The following FAAH2 variants were observed in gnomAD, a reference collection of about 807,000 sequenced individuals.
FAAH2 encodes fatty-acid amide hydrolase 2.
FAAH2 carries 60 observed loss-of-function variants against 36.9 expected under a neutral mutation model. That is an observed-to-expected ratio of 1.63 (90% confidence interval 1.32 to 2.02). FAAH2 has a LOEUF of 2.02. FAAH2 is among the 30% of genes most tolerant of loss of function. FAAH2 has a pLI of 0.00. For missense variants in FAAH2, 689 were observed against 397.5 expected, an observed-to-expected ratio of 1.73 and a Z score of -6.23; for synonymous variants, 214 against 143.8, an observed-to-expected ratio of 1.49 and a Z score of -3.49.
intron 4 of FAAH2, among the ~76,000 whole-genome samples, chrX:57,337,772 T>A (rs2147038640): frequency 8.9e-6 from 1 of 112,081 alleles, no homozygotes; most frequent in Non-Finnish European, 1.9e-5. Context: ...ATAAGATCTG[T>A]ATTTGACAAA....
chrX:57,252,259 C>T, the FAAH2 span, among the ~76,000 whole-genome samples: 544 of 112,869 alleles, frequency 4.8e-3, 3 homozygotes, highest in African/African-American at 0.016. Context: ...GCAGAGCCCA[C>T]CGCAGCTCAG....
intron 2 of FAAH2, among the ~76,000 whole-genome samples, chrX:57,305,684 A>C (rs753964383): frequency 1.7e-3 from 185 of 111,415 alleles, no homozygotes; most frequent in Non-Finnish European, 2.7e-3. Flanking sequence ...AATCTGGCAT[A>C]CCTTAGTTTT....
chrX:57,336,778 C>T (rs1377870033), intron 4 of FAAH2, among the ~76,000 whole-genome samples: 1 of 110,710 alleles, frequency 9.0e-6, no homozygotes, highest in Admixed American at 9.6e-5. Context: ...GCACTAAATC[C>T]CCACATCAAA....
chrX:57,359,589 G>A (rs1435441274), intron 5 of FAAH2, among the ~76,000 whole-genome samples: 1 of 111,468 alleles, frequency 9.0e-6, no homozygotes, highest in Non-Finnish European at 1.9e-5. Context: ...CTTTATTCTT[G>A]TACATATCTG....
the FAAH2 span, chrX:57,135,914 G>A: frequency 3.3e-6 from 4 of 1,210,057 alleles, no homozygotes; most frequent in African/African-American, 1.7e-5. Context: ...CTTGGTGAAT[G>A]ACCATGCCGA....
chrX:57,309,027 C>G (rs1333664270), intron 2 of FAAH2, among the ~76,000 whole-genome samples: 1 of 111,693 alleles, frequency 9.0e-6, no homozygotes, highest in Admixed American at 9.6e-5. Context: ...TTGGTATTTC[C>G]AGTGAGCCCA....
At chrX:57,252,662 C>T in the FAAH2 span, among the ~76,000 whole-genome samples, 1 of 112,244 alleles carries the variant, frequency 8.9e-6, no homozygotes, top group Non-Finnish European at 1.9e-5. Context: ...CCCAACAGAC[C>T]TGCAGCTGAG....
At chrX:57,407,326 G>A (rs1303735325) in intron 7 of FAAH2, among the ~76,000 whole-genome samples, 2 of 111,943 alleles carry the variant, frequency 1.8e-5, no homozygotes, top group Non-Finnish European at 3.8e-5. Context: ...AATCATGTGA[G>A]TACAACTGCA....
chrX:57,443,679 G>GA (rs1219890766), intron 8 of FAAH2, among the ~76,000 whole-genome samples: 5 of 112,015 alleles, frequency 4.5e-5, no homozygotes, highest in African/African-American at 1.6e-4. Context: ...CTTTGGAGGA[G>GA]AAGAGGTGCT....
At chrX:57,409,183 T>C (rs2055639006) in intron 7 of FAAH2, among the ~76,000 whole-genome samples, 1 of 111,668 alleles carries the variant, frequency 9.0e-6, no homozygotes, top group South Asian at 3.7e-4. Context: ...ATAAATATGG[T>C]TCATTATTGA....
chrX:57,190,661 G>A, the FAAH2 span, among the ~76,000 whole-genome samples: 2 of 110,213 alleles, frequency 1.8e-5, no homozygotes, highest in Admixed American at 9.7e-5. Context: ...CCCTCCACCC[G>A]CTCCTTGCAC....
At chrX:57,164,558 G>A in the FAAH2 span, among the ~76,000 whole-genome samples, 6 of 111,993 alleles carry the variant, frequency 5.4e-5, no homozygotes, top group Non-Finnish European at 7.5e-5. Context: ...GTGTAAAGGA[G>A]GCTGGTCCAA....
At chrX:57,275,934 A>T in the FAAH2 span, among the ~76,000 whole-genome samples, 12 of 111,660 alleles carry the variant, frequency 1.1e-4, no homozygotes, top group Admixed American at 3.8e-4. Context: ...AAGTCCTTAG[A>T]TACCTACAAA....
chrX:57,306,734 A>G lies in FAAH2; in HGVS notation c.276-3859A>G, dbSNP rs866070230. On this transcript the variant is annotated intron_variant, in intron 2 of 10. Coordinates refer to ENST00000374900, the MANE Select transcript of FAAH2 (RefSeq NM_174912.4). ...TGTGTGTGTGTGTGTGTGTGTGTAT[A>G]TATATACACACACACTATATGTATA... Among the ~76,000 whole-genome samples, 28 of 88,325 alleles carry G rather than the reference A, an allele frequency of 3.2e-4. No homozygotes were observed. The East Asian group carries it at 9.1e-3, about 29-fold the overall frequency. The allele number at this position is 88,325 out of a possible 115,157, so 76.7% of individuals were successfully genotyped here.
At chrX:57,247,526 T>C in the FAAH2 span, among the ~76,000 whole-genome samples, 1 of 111,070 alleles carries the variant, frequency 9.0e-6, no homozygotes, top group South Asian at 3.8e-4. Context: ...AGCAGGCCAT[T>C]TATCTGTGTT....
chrX:57,302,739 A>AT (rs961762233), intron 2 of FAAH2, among the ~76,000 whole-genome samples: 6 of 111,089 alleles, frequency 5.4e-5, no homozygotes, highest in African/African-American at 9.8e-5. Flanking sequence ...AGATATATAG[A>AT]TTTTTTTAAA....
Position 57,433,095 on chromosome X carries a change from A to T in FAAH2, c.1116+1058A>T, listed in dbSNP as rs189326339. Among the ~76,000 whole-genome samples the T allele has an allele frequency of 2.0e-3, 227 of 111,592 alleles. 3 individuals are homozygous for T. Among genetic ancestry groups the T allele is most frequent in the African/African-American group, 7.1e-3 (220 of 30,869 alleles). On this transcript the variant is annotated intron_variant, in intron 8 of 10. Coordinates refer to ENST00000374900, the MANE Select transcript of FAAH2 (RefSeq NM_174912.4). The stretch of plus-strand genomic sequence containing the variant: ...CAAGGGGAGGAGGTTTGGCTCTGAG[A>T]TGAAAGTTTATAATCAGAACTTTAG...
chrX:57,481,983 G>T lies in FAAH2; in HGVS notation c.1424-6774G>T, dbSNP rs941192507. Among the ~76,000 whole-genome samples, 35 of 111,669 alleles carry T rather than the reference G, an allele frequency of 3.1e-4. No individual in the cohort carries two copies. In the East Asian group the frequency reaches 3.4e-3, roughly 11 times the overall value. ...GAGGAAGAATCTAGGGATTCAGTCT[G>T]GCCACAGCCACTTTGCTGTGCCCAG... On this transcript the variant is annotated intron_variant, in intron 10 of 10. Coordinates refer to ENST00000374900, the MANE Select transcript of FAAH2 (RefSeq NM_174912.4).
the FAAH2 span, among the ~76,000 whole-genome samples, chrX:57,219,863 C>CTTT: frequency 4.2e-3 from 148 of 35,625 alleles, 18 homozygotes; most frequent in African/African-American, 0.012. Context: ...AGCGCCTTGT[C>CTTT]TTTTTTTTTT....
Sources: gnomAD v4.1 joint callset for allele counts (sites outside exome capture counted in the v4.1 genomes callset) on GRCh38, gnomAD v4.1.1 for gene constraint, MANE v1.5 for transcripts, NCBI Gene and HGNC (gene_info 2026-07-23, HGNC 2026-07-21) for gene names.